Variants in CHN2 observed in about 807,000 individuals in gnomAD.
The protein encoded by CHN2 is beta-chimaerin.
CHN2 carries 35 observed loss-of-function variants against 56.3 expected under a neutral mutation model. The ratio of observed to expected loss-of-function variants is 0.62; its 90% CI spans 0.47 to 0.82. The LOEUF (loss-of-function observed/expected upper bound fraction) is 0.82. Ranked by LOEUF, CHN2 falls within the 40% of genes least tolerant of loss-of-function variation. The pLI is 0.00. For missense variants in CHN2, 491 were observed against 580.5 expected, an observed-to-expected ratio of 0.85 and a Z score of 1.58; for synonymous variants, 210 against 212.8, an observed-to-expected ratio of 0.99 and a Z score of 0.12.
chr7:29,346,301 C>T (rs1490689889), intron 1 of CHN2, among the ~76,000 whole-genome samples: 1 of 152,202 alleles, frequency 6.6e-6, no homozygotes, highest in East Asian at 1.9e-4. Context: ...GTAGCATGTG[C>T]ACAGACACAA....
intron 6 of CHN2, among the ~76,000 whole-genome samples, chr7:29,458,071 A>T (rs1198796166): frequency 3.3e-5 from 5 of 152,208 alleles, no homozygotes; most frequent in Non-Finnish European, 7.3e-5. Flanking sequence ...ATCCTTGTTA[A>T]CTTTTTAACT....
chr7:29,184,927 G>GT lies in CHN2; in HGVS notation c.274+37967_274+37968insT, dbSNP rs571525484. On this transcript the variant is annotated intron_variant, in intron 2 of 6. Coordinates refer to the CHN2 transcript ENST00000439384. ...TGTGGATAAGGACAAAAATCTTTGG[G>GT]CATAAAGAGTCAGCTAAAATACTTT... is the stretch of plus-strand genomic sequence containing the variant. Among the ~76,000 whole-genome samples the GT allele has an allele frequency of 3.9e-5, 6 of 152,262 alleles. No individual in the cohort carries two copies. In the South Asian group the frequency reaches 1.0e-3, roughly 26 times the overall value.
intron 1 of CHN2, among the ~76,000 whole-genome samples, chr7:29,315,754 A>C (rs1794910677): frequency 6.6e-6 from 1 of 152,206 alleles, no homozygotes; most frequent in South Asian, 2.1e-4. Context: ...CAGTGAATAA[A>C]AGAAAAAAAG....
chr7:29,325,530 G>A (rs1174213695), intron 1 of CHN2, among the ~76,000 whole-genome samples: 1 of 152,198 alleles, frequency 6.6e-6, no homozygotes, highest in Non-Finnish European at 1.5e-5. Flanking sequence ...TCCTGGTTCT[G>A]AGCCTCACAA....
chr7:29,349,807 A>AT (rs936565545), intron 1 of CHN2, among the ~76,000 whole-genome samples: 2 of 151,906 alleles, frequency 1.3e-5, no homozygotes, highest in Admixed American at 6.6e-5. Context: ...TTCAAGGATA[A>AT]TTTTTTTTAT....
chr7:29,194,503 C>T, upstream of CHN2: 1 of 165,556 alleles, frequency 6.0e-6, no homozygotes, highest in Non-Finnish European at 1.3e-5. Context: ...TCTGCCCGGT[C>T]TACTCGAAGT....
intron 1 of CHN2, among the ~76,000 whole-genome samples, chr7:29,294,408 C>A (rs1200929074): frequency 1.3e-5 from 2 of 152,072 alleles, no homozygotes; most frequent in African/African-American, 4.8e-5. Context: ...ACAAAAACAA[C>A]AAATATTTGG....
intron 9 of CHN2, among the ~76,000 whole-genome samples, chr7:29,500,654 C>G (rs999238547): frequency 2.6e-5 from 4 of 151,860 alleles, no homozygotes; most frequent in African/African-American, 9.7e-5. Flanking sequence ...TATTTAAGGA[C>G]GGTGAGAAGG....
At chr7:29,249,733 C>T in intron 1 of CHN2, among the ~76,000 whole-genome samples, 1 of 152,040 alleles carries the variant, frequency 6.6e-6, no homozygotes, top group Non-Finnish European at 1.5e-5. Context: ...GCTTAATAGC[C>T]GCTCCAATGT....
intron 6 of CHN2, among the ~76,000 whole-genome samples, chr7:29,408,201 AT>A (rs1802841043): frequency 4.6e-5 from 7 of 151,032 alleles, no homozygotes; most frequent in Admixed American, 6.6e-5. Flanking sequence ...AAAAAAAAAA[AT>A]AAATTAAATT....
At chr7:29,451,533 AAT>A (rs149620848) in intron 6 of CHN2, among the ~76,000 whole-genome samples, 18,734 of 152,070 alleles carry the variant, frequency 0.12, 1,295 homozygotes, top group South Asian at 0.21. Flanking sequence ...TAAATTCAAC[AAT>A]GTTTTTAAAA....
At chr7:29,464,914 G>T (rs1562628505) in intron 6 of CHN2, among the ~76,000 whole-genome samples, 1 of 152,164 alleles carries the variant, frequency 6.6e-6, no homozygotes, top group Non-Finnish European at 1.5e-5. Context: ...AGTATGGGAG[G>T]CTCTTTCCTG....
intron 1 of CHN2, chr7:29,212,989 T>A: frequency 6.2e-7 from 1 of 1,602,516 alleles, no homozygotes; most frequent in Non-Finnish European, 8.5e-7. Flanking sequence ...CACCCAGTCC[T>A]GGAACAATCA....
At chr7:29,191,186 C>T (rs752454663), upstream of CHN2, among the ~76,000 whole-genome samples, 13 of 152,304 alleles carry the variant, frequency 8.5e-5, no homozygotes, top group South Asian at 2.1e-4. Context: ...CCCACCTCAA[C>T]TTACTGAGTC....
intron 3 of CHN2, among the ~76,000 whole-genome samples, chr7:29,380,430 A>AGC (rs1431113109): frequency 6.6e-6 from 1 of 152,216 alleles, no homozygotes; most frequent in Non-Finnish European, 1.5e-5. Flanking sequence ...CTCCTTAGGG[A>AGC]GCTATAATGC....
At chr7:29,165,798 C>T (rs1584510490) in intron 2 of CHN2, among the ~76,000 whole-genome samples, 1 of 151,944 alleles carries the variant, frequency 6.6e-6, no homozygotes, top group African/African-American at 2.4e-5. Context: ...TTGAGGTGAC[C>T]ATATGGTGTT....
At chr7:29,443,277 C>T (rs1028099521) in intron 6 of CHN2, among the ~76,000 whole-genome samples, 2 of 152,118 alleles carry the variant, frequency 1.3e-5, no homozygotes, top group Non-Finnish European at 2.9e-5. Flanking sequence ...AGAACTGAAT[C>T]AGAGCAGAGG....
At chr7:29,272,703 C>T (rs1562881127) in intron 1 of CHN2, among the ~76,000 whole-genome samples, 1 of 152,038 alleles carries the variant, frequency 6.6e-6, no homozygotes, top group Non-Finnish European at 1.5e-5. Flanking sequence ...TCAATATATG[C>T]CGTATTAGAA....
At chr7:29,182,642 C>T (rs1403837935) in intron 2 of CHN2, among the ~76,000 whole-genome samples, 2 of 152,184 alleles carry the variant, frequency 1.3e-5, no homozygotes, top group Admixed American at 6.5e-5. Context: ...TACGTACACT[C>T]ATGTCTAAAA....
Sources: allele counts gnomAD v4.1 joint callset (sites outside exome capture counted in the v4.1 genomes callset), GRCh38; gene constraint gnomAD v4.1.1; transcripts MANE v1.5; gene names NCBI Gene and HGNC (gene_info 2026-07-23, HGNC 2026-07-21).